The following SKP2 variants were observed in gnomAD, a reference collection of about 807,000 sequenced individuals.
The protein encoded by SKP2 is S-phase kinase associated protein 2.
In SKP2, 16 loss-of-function variants were observed where a neutral mutation model predicts 51.8. The observed-to-expected ratio is 0.31, with a 90% CI of 0.21 to 0.47. The LOEUF (loss-of-function observed/expected upper bound fraction) is 0.47. SKP2 is among the 20% of genes least tolerant of loss of function. The probability of loss-of-function intolerance (pLI) is 1.00; values close to 1 mark genes in which losing one functional copy is unlikely to be tolerated. For synonymous variants in SKP2, 176 were observed against 198.6 expected, an observed-to-expected ratio of 0.89 and a Z score of 0.96; for missense variants, 377 against 505.3, an observed-to-expected ratio of 0.75 and a Z score of 2.43.
At chr5:36,163,563 A>G (rs1745191892) in intron 2 of SKP2, 82 bp from the exon 3 acceptor site, 2 of 796,422 alleles carry the variant, frequency 2.5e-6, no homozygotes, top group Non-Finnish European at 4.4e-6. Flanking sequence ...AATGTTGTAT[A>G]TTCTTTATGT....
At chr5:36,191,177 G>T (rs2112028570) in intron 6 of SKP2, among the ~76,000 whole-genome samples, 1 of 152,222 alleles carries the variant, frequency 6.6e-6, no homozygotes, top group Admixed American at 6.5e-5. Flanking sequence ...GCAACAAAAA[G>T]CTCTAGACCA....
intron 2 of SKP2, among the ~76,000 whole-genome samples, chr5:36,156,524 G>A (rs540105085): frequency 6.6e-6 from 1 of 152,290 alleles, no homozygotes; most frequent in South Asian, 2.1e-4. Context: ...TGGCCAACCT[G>A]TACTAGAACA....
chr5:36,181,794 G>A (rs1243663490), intron 9 of SKP2, 24 bp from the exon 10 acceptor site: 1 of 1,612,942 alleles, frequency 6.2e-7, no homozygotes, highest in African/African-American at 1.3e-5. Context: ...CTGCTATTCT[G>A]AAAGTCTTTT....
intron 2 of SKP2, among the ~76,000 whole-genome samples, chr5:36,156,010 A>C (rs1303318770): frequency 6.6e-6 from 1 of 152,232 alleles, no homozygotes. Context: ...CTGAGGAAAG[A>C]GAGGGCTCTG....
At chr5:36,185,181 T>C (rs1745935472), downstream of SKP2, among the ~76,000 whole-genome samples, 1 of 152,230 alleles carries the variant, frequency 6.6e-6, no homozygotes, top group Non-Finnish European at 1.5e-5. Flanking sequence ...ATGAGTAGAT[T>C]GCAAAAATTT....
At chr5:36,154,509 A>G (rs1744876625) in intron 2 of SKP2, among the ~76,000 whole-genome samples, 1 of 152,214 alleles carries the variant, frequency 6.6e-6, no homozygotes, top group Admixed American at 6.5e-5. Flanking sequence ...CTGCAGGGGC[A>G]TCAAGGGTAG....
At chr5:36,165,778 A>G (rs1213296098) in intron 3 of SKP2, among the ~76,000 whole-genome samples, 9 of 152,196 alleles carry the variant, frequency 5.9e-5, no homozygotes. Flanking sequence ...TCATGTGCTT[A>G]TATTTCACAT....
intron 6 of SKP2, among the ~76,000 whole-genome samples, chr5:36,189,889 C>T (rs914470502): frequency 1.3e-5 from 2 of 151,950 alleles, no homozygotes; most frequent in South Asian, 4.2e-4. Flanking sequence ...TTCCTGGCTG[C>T]TTTGTTTACC....
At chr5:36,174,182 T>C (rs907152848) in intron 7 of SKP2, among the ~76,000 whole-genome samples, 7 of 152,140 alleles carry the variant, frequency 4.6e-5, no homozygotes, top group African/African-American at 1.4e-4. Flanking sequence ...TTGACTTCTG[T>C]AGCTGAAATC....
In SKP2 at chr5:36,182,725, C is replaced by A; in HGVS notation, c.*694C>A. On this transcript the variant is annotated 3_prime_UTR_variant, in exon 10 of 10. Transcript: ENST00000274255. ...TCTATGACAGGTTAATCTGAAGTATCCTGTAATGTTCATTAAGTTACTGTG... is the reference window on the plus strand; with the variant it reads ...TCTATGACAGGTTAATCTGAAGTATACTGTAATGTTCATTAAGTTACTGTG... The A allele has an allele frequency of 1.0e-6, 1 of 980,126 alleles. No homozygotes were observed. Among genetic ancestry groups the A allele is most frequent in the Non-Finnish European group, 1.2e-6 (1 of 825,194 alleles). 60.7% of individuals were successfully genotyped at this position (980,126 alleles called of 1,614,324 possible). A position where few individuals can be genotyped will look rare whatever the true frequency, so the allele number is the denominator to read the frequency against.
chr5:36,188,601 T>G (rs1262880072), downstream of SKP2, among the ~76,000 whole-genome samples: 1 of 152,190 alleles, frequency 6.6e-6, no homozygotes, highest in Non-Finnish European at 1.5e-5. Flanking sequence ...AGAAATCCAC[T>G]GTTAGTCTGA....
At chr5:36,181,777 A>AT (rs1561542297) in intron 9 of SKP2, 41 bp from the exon 10 acceptor site, 1 of 1,609,528 alleles carries the variant, frequency 6.2e-7, no homozygotes, top group Non-Finnish European at 8.5e-7. Context: ...AACAGTTTCC[A>AT]TAGATACTGC....
chr5:36,152,715 A>G, intron 1 of SKP2, 56 bp from the exon 2 acceptor site: 3 of 1,564,454 alleles, frequency 1.9e-6, no homozygotes, highest in Non-Finnish European at 1.7e-6. Context: ...AATTGCCTTG[A>G]AATTATTTAT....
In SKP2 at chr5:36,180,363, GT is replaced by G. The variant is rs535981015; in HGVS notation, c.1062-1452del. ...CAGTGTTTCTACATTCCAGAAAGCA[GT>G]TTACTTAATGACAGCAATTTGTTCT... is the stretch of plus-strand genomic sequence containing the variant. On this transcript the variant is annotated intron_variant, in intron 9 of 9. Transcript: ENST00000274255. 320 of 743,174 alleles carry G rather than the reference GT, an allele frequency of 4.3e-4. No homozygotes were observed. The African/African-American group carries it at 5.6e-3, about 13-fold the overall frequency. 46.0% of individuals were successfully genotyped at this position (743,174 alleles called of 1,614,324 possible). A position where few individuals can be genotyped will look rare whatever the true frequency, so the allele number is the denominator to read the frequency against.
intron 2 of SKP2, among the ~76,000 whole-genome samples, chr5:36,156,799 A>G (rs1473984987): frequency 1.3e-5 from 2 of 152,180 alleles, no homozygotes; most frequent in Non-Finnish European, 2.9e-5. Flanking sequence ...AATTTACTGT[A>G]TATCAGAATC....
intron 6 of SKP2, among the ~76,000 whole-genome samples, chr5:36,191,520 T>C (rs1399019164): frequency 2.0e-5 from 3 of 152,038 alleles, no homozygotes; most frequent in Non-Finnish European, 4.4e-5. Flanking sequence ...TGATTCCTAA[T>C]AGACCCTATC....
intron 6 of SKP2, 124 bp from the exon 7 acceptor site, chr5:36,171,479 C>A: frequency 2.3e-6 from 2 of 883,508 alleles, no homozygotes; most frequent in Non-Finnish European, 3.6e-6. Flanking sequence ...GTTAGAGAAG[C>A]AGGTGTTCTG....
intron 6 of SKP2, among the ~76,000 whole-genome samples, chr5:36,170,887 C>T (rs1745450018): frequency 6.6e-6 from 1 of 152,132 alleles, no homozygotes; most frequent in South Asian, 2.1e-4. Flanking sequence ...ATAAAGGGTA[C>T]AGAGTTACAG....
At chr5:36,152,368 C>A in intron 1 of SKP2, 98 bp downstream of exon 1, 1 of 1,152,224 alleles carries the variant, frequency 8.7e-7, no homozygotes, top group Non-Finnish European at 1.3e-6. Context: ...GTTAGTAATG[C>A]TGTTAAGTGA....
Sources: allele counts gnomAD v4.1 joint callset (sites outside exome capture counted in the v4.1 genomes callset), GRCh38; gene constraint gnomAD v4.1.1; transcripts MANE v1.5; gene names NCBI Gene and HGNC (gene_info 2026-07-23, HGNC 2026-07-21).